Variants in VKORC1L1 observed in about 807,000 individuals in gnomAD.
VKORC1L1 encodes the protein vitamin K epoxide reductase complex subunit 1-like protein 1.
A neutral mutation model predicts 18.9 loss-of-function variants in VKORC1L1; 2 were observed. That is an observed-to-expected ratio of 0.11 (90% CI 0.04 to 0.33). The LOEUF (loss-of-function observed/expected upper bound fraction) is 0.33. Among genes scored for constraint, VKORC1L1 ranks in the 10% least tolerant of loss-of-function variants. VKORC1L1 has a pLI of 1.00. For synonymous variants in VKORC1L1, 96 were observed against 100.0 expected (o/e 0.96, Z 0.24); for missense variants, 123 against 224.1 (o/e 0.55, Z 2.88).
intron 1 of VKORC1L1, among the ~76,000 whole-genome samples, chr7:65,883,172 C>T (rs1226773785): frequency 2.4e-5 from 3 of 127,220 alleles, no homozygotes; most frequent in Non-Finnish European, 4.7e-5. Context: ...GATGGAGTCT[C>T]ACTCTGTCAC....
intron 1 of VKORC1L1, among the ~76,000 whole-genome samples, chr7:65,942,692 A>C (rs1018153893): frequency 6.6e-6 from 1 of 151,720 alleles, no homozygotes; most frequent in African/African-American, 2.4e-5. Context: ...CATCTGCATA[A>C]TTTTTGTATT....
the VKORC1L1 span, among the ~76,000 whole-genome samples, chr7:65,866,234 G>T: frequency 2.0e-5 from 3 of 152,182 alleles, no homozygotes; most frequent in African/African-American, 4.8e-5. Flanking sequence ...AGTTAGATTT[G>T]AAGACAACTG....
At chr7:65,925,542 T>C (rs1789747720) in intron 1 of VKORC1L1, among the ~76,000 whole-genome samples, 1 of 152,164 alleles carries the variant, frequency 6.6e-6, no homozygotes, top group Admixed American at 6.5e-5. Context: ...TTTCAGAGTA[T>C]GATGTTTTTC....
intron 1 of VKORC1L1, among the ~76,000 whole-genome samples, chr7:65,873,976 C>G (rs1788780465): frequency 6.6e-6 from 1 of 152,112 alleles, no homozygotes; most frequent in Admixed American, 6.5e-5. Context: ...GTCCACCGCA[C>G]CCTTGAGACC....
chr7:65,934,452 A>G (rs902837683), intron 1 of VKORC1L1, among the ~76,000 whole-genome samples: 1 of 152,220 alleles, frequency 6.6e-6, no homozygotes, highest in Non-Finnish European at 1.5e-5. Context: ...TACTATGTTC[A>G]CTATGCTGTG....
upstream of VKORC1L1, among the ~76,000 whole-genome samples, chr7:65,872,547 C>T (rs1007587750): frequency 3.3e-5 from 5 of 152,060 alleles, no homozygotes; most frequent in Non-Finnish European, 5.9e-5. Context: ...AGGCTGGTCT[C>T]GAACTCCTGA....
intron 1 of VKORC1L1, among the ~76,000 whole-genome samples, chr7:65,902,591 A>G (rs1020928166): frequency 1.3e-5 from 2 of 152,164 alleles, no homozygotes; most frequent in Non-Finnish European, 2.9e-5. Flanking sequence ...AAAGATTGTA[A>G]AAAATAATGA....
At chr7:65,940,625 G>C (rs1285709386) in intron 1 of VKORC1L1, among the ~76,000 whole-genome samples, 3 of 152,146 alleles carry the variant, frequency 2.0e-5, no homozygotes, top group African/African-American at 4.8e-5. Context: ...GAAGGCAAGG[G>C]CTCCAAGAGA....
rs150255530 is a variant in VKORC1L1 at position 65,929,680 on chromosome 7, G to GTATATATATATATATATATATATA, written c.195-18990_195-18989insATATATATATATATATATATATAT. Reference sequence around the variant, plus strand: ...TATGTGTGTGTGTGTATGTGTGTGTGTGTATATATATATATATATATATGG... The same window carrying GTATATATATATATATATATATATA: ...TATGTGTGTGTGTGTATGTGTGTGTGTATATATATATATATATATATATATGTATATATATATATATATATATGG... On this transcript the variant is annotated intron_variant, in intron 1 of 2. Coordinates refer to ENST00000360768, the MANE Select transcript of VKORC1L1 (RefSeq NM_173517.6). Among the ~76,000 whole-genome samples the GTATATATATATATATATATATATA allele has an allele frequency of 4.2e-3, 431 of 103,540 alleles. 3 individuals carry two copies. The highest frequency in any genetic ancestry group is 6.8e-3 in the South Asian group (22 of 3,244). The allele number at this position is 103,540 out of a possible 152,430, so 67.9% of individuals were successfully genotyped here.
intron 1 of VKORC1L1, among the ~76,000 whole-genome samples, chr7:65,899,336 C>T (rs933490999): frequency 1.3e-5 from 2 of 152,222 alleles, no homozygotes; most frequent in African/African-American, 4.8e-5. Context: ...GAACAAGCTG[C>T]TTCTATGCCA....
intron 2 of VKORC1L1, among the ~76,000 whole-genome samples, chr7:65,953,319 A>C (rs939343052): frequency 6.6e-6 from 1 of 152,234 alleles, no homozygotes; most frequent in African/African-American, 2.4e-5. Context: ...TGATCTAAAC[A>C]TGGAAAAGCA....
intron 1 of VKORC1L1, among the ~76,000 whole-genome samples, chr7:65,895,463 AAAAAAAAAAAAAAAAAAATAT>A (rs1789176623): frequency 4.9e-5 from 2 of 41,104 alleles, no homozygotes; most frequent in South Asian, 1.1e-3. Context: ...GAAAAAAAAA[AAAAAAAAAAAAAAAAAAATAT>A]ATATATATAT....
At chr7:65,931,322 G>A (rs1372690778) in intron 1 of VKORC1L1, among the ~76,000 whole-genome samples, 2 of 151,948 alleles carry the variant, frequency 1.3e-5, no homozygotes, top group South Asian at 2.1e-4. Flanking sequence ...GTATTACTTC[G>A]TATATATTTG....
intron 1 of VKORC1L1, among the ~76,000 whole-genome samples, chr7:65,911,118 T>G (rs1189852608): frequency 1.3e-5 from 2 of 152,200 alleles, no homozygotes; most frequent in African/African-American, 2.4e-5. Context: ...CATCTTTTGG[T>G]CTTCATCTCT....
chr7:65,907,529 C>G (rs1395180093), intron 1 of VKORC1L1, among the ~76,000 whole-genome samples: 1 of 152,142 alleles, frequency 6.6e-6, no homozygotes, highest in Non-Finnish European at 1.5e-5. Flanking sequence ...CCTCTGGCAT[C>G]CTTTTGTTAC....
intron 1 of VKORC1L1, among the ~76,000 whole-genome samples, chr7:65,942,686 T>G (rs1271266424): frequency 6.6e-6 from 1 of 151,856 alleles, no homozygotes; most frequent in South Asian, 2.1e-4. Flanking sequence ...CCAGCACATC[T>G]GCATAATTTT....
chr7:65,900,633 T>C lies in VKORC1L1; in HGVS notation c.194+27068T>C, dbSNP rs1303415065. Among the ~76,000 whole-genome samples the C allele has an allele frequency of 7.2e-5, 11 of 151,908 alleles. No individual in the cohort carries two copies. The South Asian group carries it at 1.9e-3, about 26-fold the overall frequency. Reference sequence around the variant, plus strand: ...GCCTGGCCAACGAGGTGAAACCCCATCTCTACTAAAAATACAAATATTAGA... The same window carrying C: ...GCCTGGCCAACGAGGTGAAACCCCACCTCTACTAAAAATACAAATATTAGA... On this transcript the variant is annotated intron_variant, in intron 1 of 2. Transcript: ENST00000360768.
intron 1 of VKORC1L1, among the ~76,000 whole-genome samples, chr7:65,948,023 A>G (rs1790151279): frequency 1.3e-5 from 2 of 152,128 alleles, no homozygotes; most frequent in African/African-American, 2.4e-5. Flanking sequence ...TATATTTCTT[A>G]ATGCATATCC....
intron 1 of VKORC1L1, among the ~76,000 whole-genome samples, chr7:65,892,491 A>T (rs1789125704): frequency 1.3e-5 from 2 of 152,180 alleles, no homozygotes; most frequent in South Asian, 4.1e-4. Flanking sequence ...TTTGATTTGC[A>T]TTTCTCTGAT....
Sources: allele counts gnomAD v4.1 joint callset (sites outside exome capture counted in the v4.1 genomes callset), GRCh38; gene constraint gnomAD v4.1.1; transcripts MANE v1.5; gene names NCBI Gene and HGNC (gene_info 2026-07-23, HGNC 2026-07-21).